The following BAIAP2 variants were observed in gnomAD, a reference collection of about 807,000 sequenced individuals.
BAIAP2 encodes BAR/IMD domain containing adaptor protein 2.
Under a neutral mutation model 63.0 loss-of-function variants are expected in BAIAP2, and 18 were observed. That is an observed-to-expected ratio of 0.29 (90% CI 0.20 to 0.42). The LOEUF is 0.42. Among genes scored for constraint, BAIAP2 ranks in the 10% least tolerant of loss-of-function variants. BAIAP2 has a pLI of 1.00. For synonymous variants in BAIAP2, 386 were observed against 307.6 expected, an observed-to-expected ratio of 1.25 and a Z score of -2.67; for missense variants, 610 against 734.3, an observed-to-expected ratio of 0.83 and a Z score of 1.96.
rs1403184984 is a variant in BAIAP2, at chr17:81,103,556, C to T, written c.697C>T (p.Pro233Ser). 3 of 1,599,836 alleles carry T rather than the reference C, an allele frequency of 1.9e-6. No homozygotes were observed. The highest frequency in any genetic ancestry group is 2.7e-5 in the African/African-American group (2 of 74,986). Residue 233 changes from proline (P) to serine (S), a missense_variant, in exon 8 of 14, where the codon CCC (proline) becomes TCC (serine). Pro to Ser is a moderately conservative substitution (Grantham distance 74, BLOSUM62 -1). This residue lies in a region of BAIAP2 where 389 missense variants were observed against 455.6 expected (regional missense o/e 0.85). Transcript: ENST00000428708. ...LPLWQQACADPSKIPERAVQL... is the reference protein window; with the variant it reads ...LPLWQQACADSSKIPERAVQL... ...GCTGTGGCAACAGGCCTGTGCCGAC[C>T]CCAGCAAGATCCCGGAGCGCGCGGT...
chr17:81,104,124 GGGTGTT>G lies in BAIAP2; in HGVS notation c.1066+19_1066+24del, dbSNP rs2145912031. The G allele has an allele frequency of 6.2e-7, 1 of 1,612,114 alleles. No homozygotes were observed. The highest frequency in any genetic ancestry group is 2.2e-5 in the East Asian group (1 of 44,826). ...TATGCCACCAGTAAGGGCTCCGCTG[GGGTGTT>G]GGGCTGGGGTCCCTGGACGTGCCTC... On this transcript the variant is annotated intron_variant, in intron 9 of 13. Coordinates refer to ENST00000428708, the MANE Select transcript of BAIAP2 (RefSeq NM_001144888.2).
At chr17:81,043,346 G>A (rs978825674) in intron 1 of BAIAP2, among the ~76,000 whole-genome samples, 1 of 152,212 alleles carries the variant, frequency 6.6e-6, no homozygotes, top group Admixed American at 6.5e-5. Flanking sequence ...CCGTCCTCAC[G>A]CAGTCCAGGC....
chr17:81,082,460 C>T (rs953541137), intron 3 of BAIAP2, among the ~76,000 whole-genome samples: 3 of 152,176 alleles, frequency 2.0e-5, no homozygotes, highest in Admixed American at 6.5e-5. Flanking sequence ...TCCGTATCTT[C>T]CCAGAAAGGG....
Position 81,053,756 on chromosome 17 carries a change from C to T in BAIAP2, c.130+13C>T, listed in dbSNP as rs767254681. ...AAGGCACTGGCAGGTGGAACTGCGC[C>T]CGGGCCCCGTGGGGTGGGAGCTGCC... is the stretch of plus-strand genomic sequence containing the variant. On this transcript the variant is annotated intron_variant, in intron 2 of 13. Coordinates refer to ENST00000428708, the MANE Select transcript of BAIAP2 (RefSeq NM_001144888.2). 6.2e-7 allele frequency: 1 copy of T among 1,613,708 alleles called. No individual in the cohort carries two copies. Among genetic ancestry groups the T allele is most frequent in the Non-Finnish European group, 8.5e-7 (1 of 1,179,894 alleles).
chr17:81,055,208 C>T (rs1255473525), intron 2 of BAIAP2, among the ~76,000 whole-genome samples: 1 of 152,192 alleles, frequency 6.6e-6, no homozygotes. Flanking sequence ...TTTTTACCAC[C>T]TTTACTCCGT....
chr17:81,090,158 T>C (rs1598730641), intron 6 of BAIAP2, among the ~76,000 whole-genome samples: 2 of 152,176 alleles, frequency 1.3e-5, no homozygotes, highest in African/African-American at 4.8e-5. Context: ...AGGCTTAGGC[T>C]TGGATCTGGC....
At chr17:81,114,901 C>G (rs191990722) in intron 13 of BAIAP2, among the ~76,000 whole-genome samples, 1 of 152,328 alleles carries the variant, frequency 6.6e-6, no homozygotes, top group African/African-American at 2.4e-5. Flanking sequence ...GGTAATGGCT[C>G]CAGAGTCCAA....
rs759301701 is a variant in BAIAP2 at position 81,074,322 on chromosome 17, ATGCACGGATACGTGTGAGTGTGCG to A, written c.218-10504_218-10481del. ...TACGTGTGAGTGCCGGTGTGTGTGC[ATGCACGGATACGTGTGAGTGTGCG>A]TGCACTGGTACATGTGTCACTGTGT... On this transcript the variant is annotated intron_variant, in intron 3 of 13. Transcript: ENST00000428708. 1.1e-3 allele frequency among the ~76,000 whole-genome samples: 162 copies of A among 151,722 alleles called. 1 individual carries two copies. The highest frequency in any genetic ancestry group is 6.3e-3 in the Admixed American group (96 of 15,268).
intron 1 of BAIAP2, among the ~76,000 whole-genome samples, chr17:81,050,215 C>G (rs1385456510): frequency 6.6e-6 from 1 of 152,202 alleles, no homozygotes; most frequent in Non-Finnish European, 1.5e-5. Flanking sequence ...GAAGGGGAGT[C>G]CCCCCTTACA....
rs2052310909 is a variant in BAIAP2 at position 81,070,044 on chromosome 17, C to T, written c.217+12077C>T. Among the ~76,000 whole-genome samples the T allele has an allele frequency of 2.6e-5, 4 of 152,192 alleles. 1 individual carries two copies. In the South Asian group the frequency reaches 8.3e-4, roughly 32 times the overall value. On this transcript the variant is annotated intron_variant, in intron 3 of 13. Coordinates refer to ENST00000428708, the MANE Select transcript of BAIAP2 (RefSeq NM_001144888.2). Reference sequence around the variant, plus strand: ...TGGCGCAGTCATACATAGCTCATTGCAGCCTCCTGGGCTCAAGCGATCCTC... The same window carrying T: ...TGGCGCAGTCATACATAGCTCATTGTAGCCTCCTGGGCTCAAGCGATCCTC...
In BAIAP2 at chr17:81,106,732, C is replaced by T. The variant is rs1309318546; in HGVS notation, c.1338-13C>T. On this transcript the variant is annotated splice_polypyrimidine_tract_variant and intron_variant, in intron 11 of 13. Coordinates refer to ENST00000428708, the MANE Select transcript of BAIAP2 (RefSeq NM_001144888.2). ...CGGCCTGCTGGGCCGCCTCTGAGTC[C>T]CTGTCCCTACAGCCTGCAGCAAGGG... 1.9e-6 allele frequency: 3 copies of T among 1,612,362 alleles called. No individual in the cohort carries two copies. Among genetic ancestry groups the T allele is most frequent in the Non-Finnish European group, 1.7e-6 (2 of 1,179,726 alleles).
chr17:81,038,397 TCCA>T (rs546956436), intron 1 of BAIAP2, among the ~76,000 whole-genome samples: 1 of 152,316 alleles, frequency 6.6e-6, no homozygotes, highest in African/African-American at 2.4e-5. Context: ...GTGTGGCGGC[TCCA>T]CCACCTTCTC....
intron 1 of BAIAP2, among the ~76,000 whole-genome samples, chr17:81,044,272 C>T (rs887761236): frequency 1.3e-5 from 2 of 152,252 alleles, no homozygotes; most frequent in African/African-American, 4.8e-5. Context: ...GGGGCAGCGG[C>T]CTCGGGGATT....
At chr17:81,036,766 C>T (rs1291009701) in intron 1 of BAIAP2, 44 of 1,073,642 alleles carry the variant, frequency 4.1e-5, no homozygotes, top group Non-Finnish European at 5.3e-5. Context: ...GCATACGGTT[C>T]TGGCCTTGTT....
chr17:81,042,102 C>A (rs1345042955), intron 1 of BAIAP2, among the ~76,000 whole-genome samples: 2 of 150,914 alleles, frequency 1.3e-5, no homozygotes, highest in African/African-American at 4.8e-5. Flanking sequence ...CCTGCTCTTC[C>A]ATTTTTGTTA....
At chr17:81,112,926 C>T (rs556685674) in intron 13 of BAIAP2, among the ~76,000 whole-genome samples, 4 of 152,242 alleles carry the variant, frequency 2.6e-5, no homozygotes, top group South Asian at 2.1e-4. Context: ...CATGGTGGCA[C>T]GCGTCTGTAG....
chr17:81,058,989 G>A (rs2050090240), intron 3 of BAIAP2, among the ~76,000 whole-genome samples: 1 of 152,206 alleles, frequency 6.6e-6, no homozygotes. Context: ...TAATGCTGAG[G>A]CTCTGGGGCT....
At chr17:81,045,142 C>T (rs534726531) in intron 1 of BAIAP2, among the ~76,000 whole-genome samples, 2 of 152,328 alleles carry the variant, frequency 1.3e-5, no homozygotes, top group East Asian at 3.9e-4. Context: ...GTGGCTTTTG[C>T]CCTTGTGGAC....
intron 13 of BAIAP2, chr17:81,109,686 G>C (rs1003095775): frequency 6.1e-6 from 6 of 985,350 alleles, no homozygotes; most frequent in Non-Finnish European, 7.2e-6. Flanking sequence ...CTGCGGGCCA[G>C]GTGTACATAG....
Sources: gnomAD v4.1 joint callset for allele counts (sites outside exome capture counted in the v4.1 genomes callset) on GRCh38, gnomAD v4.1.1 for gene constraint, gnomAD v4.1.1 regional missense constraint, MANE v1.5 for transcripts, NCBI Gene and HGNC (gene_info 2026-07-23, HGNC 2026-07-21) for gene names.